The following CELF4 variants were observed in gnomAD, a reference collection of about 807,000 sequenced individuals.
The protein encoded by CELF4 is CUG-BP- and ETR-3-like factor 4.
CELF4 carries 18 observed loss-of-function variants against 59.9 expected under a neutral mutation model. The ratio of observed to expected loss-of-function variants is 0.30; its 90% CI spans 0.21 to 0.45. The LOEUF (loss-of-function observed/expected upper bound fraction) is 0.45, where lower values mean the gene tolerates loss of function less well. Among genes scored for constraint, CELF4 ranks in the 20% least tolerant of loss-of-function variants. The pLI is 1.00. For synonymous variants in CELF4, 261 were observed against 267.1 expected (o/e 0.98, Z 0.22); for missense variants, 456 against 689.0 (o/e 0.66, Z 3.79).
At position 37,426,684 on chromosome 18, in the gene CELF4, G is replaced by T. The variant is rs139928829; in HGVS notation, c.369+58841C>A. 4.9e-3 allele frequency among the ~76,000 whole-genome samples: 749 copies of T among 152,282 alleles called. 6 individuals are homozygous for T. The highest frequency in any genetic ancestry group is 0.017 in the African/African-American group (726 of 41,560). On this transcript the variant is annotated intron_variant, in intron 2 of 12. Transcript: ENST00000420428. The stretch of plus-strand genomic sequence containing the variant: ...AGGGTGCGGTGCGGGAGGGCTGGGG[G>T]CGGGGCAGCCTGCCCAGGCGGCCCT...
intron 1 of CELF4, among the ~76,000 whole-genome samples, chr18:37,513,655 T>TA (rs2099947083): frequency 6.6e-6 from 1 of 152,192 alleles, no homozygotes; most frequent in African/African-American, 2.4e-5. Flanking sequence ...AACATCTTCT[T>TA]ACTGTTCCTG....
At chr18:37,249,616 C>T (rs760263892) in intron 12 of CELF4, among the ~76,000 whole-genome samples, 6 of 152,162 alleles carry the variant, frequency 3.9e-5, no homozygotes, top group Admixed American at 6.5e-5. Context: ...CAAGACTCCA[C>T]GGGCTCAGCT....
intron 2 of CELF4, among the ~76,000 whole-genome samples, chr18:37,431,468 T>C (rs915840296): frequency 4.8e-4 from 71 of 146,570 alleles, no homozygotes; most frequent in African/African-American, 1.5e-3. Context: ...CCCAGGTTCA[T>C]GCCATTCTCC....
chr18:37,284,142 T>C (rs2094499892), intron 3 of CELF4, among the ~76,000 whole-genome samples: 1 of 144,834 alleles, frequency 6.9e-6, no homozygotes, highest in African/African-American at 2.6e-5. Context: ...CAGATACACA[T>C]ACACACACAG....
chr18:37,286,432 TG>T (rs1278025447), intron 3 of CELF4, among the ~76,000 whole-genome samples: 2 of 152,154 alleles, frequency 1.3e-5, no homozygotes, highest in African/African-American at 4.8e-5. Flanking sequence ...TCCTCCCAGC[TG>T]TGACCCAAAT....
intron 2 of CELF4, among the ~76,000 whole-genome samples, chr18:37,395,482 G>A (rs539193835): frequency 1.1e-4 from 17 of 152,316 alleles, no homozygotes; most frequent in African/African-American, 3.1e-4. Flanking sequence ...GGAGATTTAG[G>A]GGAAGGGAAC....
chr18:37,413,538 G>T (rs763953619), intron 2 of CELF4, among the ~76,000 whole-genome samples: 4 of 152,190 alleles, frequency 2.6e-5, no homozygotes, highest in Admixed American at 1.3e-4. Context: ...CTCCACTCCT[G>T]TGACATGTAT....
chr18:37,443,833 T>C (rs1237982842), intron 2 of CELF4, among the ~76,000 whole-genome samples: 1 of 152,186 alleles, frequency 6.6e-6, no homozygotes, highest in African/African-American at 2.4e-5. Flanking sequence ...ATTCGCCAGA[T>C]ATTTACTGCT....
intron 1 of CELF4, among the ~76,000 whole-genome samples, chr18:37,543,874 G>GCAGGGAGGCTGAAGCTC (rs531745715): frequency 3.5e-4 from 53 of 152,344 alleles, no homozygotes; most frequent in African/African-American, 1.3e-3. Context: ...GTGCCGCTGG[G>GCAGGGAGGCTGAAGCTC]CAGGGAGGCT....
At chr18:37,393,872 T>A (rs561171521) in intron 2 of CELF4, among the ~76,000 whole-genome samples, 233 of 148,310 alleles carry the variant, frequency 1.6e-3, no homozygotes, top group African/African-American at 5.4e-3. Flanking sequence ...TTTTTTTTTT[T>A]AATTTTAAGC....
intron 2 of CELF4, among the ~76,000 whole-genome samples, chr18:37,436,851 C>T (rs1027320963): frequency 2.6e-5 from 4 of 152,206 alleles, no homozygotes; most frequent in Non-Finnish European, 5.9e-5. Flanking sequence ...CTTGTCTATT[C>T]CCAGCACAAT....
chr18:37,391,072 T>C (rs564194232), intron 2 of CELF4, among the ~76,000 whole-genome samples: 1 of 152,164 alleles, frequency 6.6e-6, no homozygotes, highest in East Asian at 1.9e-4. Flanking sequence ...TTGGCCGGCC[T>C]GAGGTGCCAC....
chr18:37,331,525 G>A (rs2097542447), intron 2 of CELF4, among the ~76,000 whole-genome samples: 1 of 152,146 alleles, frequency 6.6e-6, no homozygotes, highest in African/African-American at 2.4e-5. Flanking sequence ...TGCTGGCTTT[G>A]AGTCAGGGTG....
Position 37,463,971 on chromosome 18 carries a change from A to G in CELF4, c.369+21554T>C, listed in dbSNP as rs115858998. On this transcript the variant is annotated intron_variant, in intron 2 of 12. Transcript: ENST00000420428. ...CCCTCCTGTCCCCTCTCCCTCATGAAGTATACCACACCTGCCACCCGCAGA... is the reference window on the plus strand; with the variant it reads ...CCCTCCTGTCCCCTCTCCCTCATGAGGTATACCACACCTGCCACCCGCAGA... Among the ~76,000 whole-genome samples the G allele has an allele frequency of 4.1e-3, 618 of 152,036 alleles. 5 individuals are homozygous for G. The highest frequency in any genetic ancestry group is 0.014 in the African/African-American group (594 of 41,460).
chr18:37,317,411 T>C (rs2096905916), intron 3 of CELF4, among the ~76,000 whole-genome samples: 1 of 152,140 alleles, frequency 6.6e-6, no homozygotes, highest in African/African-American at 2.4e-5. Flanking sequence ...AACAAAACCA[T>C]ATTTCCATAA....
rs968675481 is a variant in CELF4, at chr18:37,454,863, G to A, written c.369+30662C>T. Among the ~76,000 whole-genome samples the A allele has an allele frequency of 1.2e-4, 19 of 152,114 alleles. 1 individual carries two copies. The highest frequency in any genetic ancestry group is 4.6e-4 in the African/African-American group (19 of 41,406). On this transcript the variant is annotated intron_variant, in intron 2 of 12. Transcript: ENST00000420428. Reference sequence around the variant, plus strand: ...CAGGAACCAGCCCTGGATGTGCTACGGCCCCTAATGAGGAGAGCAGCCATC... The same window carrying A: ...CAGGAACCAGCCCTGGATGTGCTACAGCCCCTAATGAGGAGAGCAGCCATC...
intron 2 of CELF4, among the ~76,000 whole-genome samples, chr18:37,406,561 GACA>G (rs2099390706): frequency 6.6e-6 from 1 of 152,192 alleles, no homozygotes; most frequent in South Asian, 2.1e-4. Context: ...TCTACAGATA[GACA>G]ACTTGGAGGG....
chr18:37,404,695 A>T (rs1239981750), intron 2 of CELF4, among the ~76,000 whole-genome samples: 1 of 152,186 alleles, frequency 6.6e-6, no homozygotes, highest in Non-Finnish European at 1.5e-5. Flanking sequence ...CACCCCAAGA[A>T]AGCAGAGAGC....
intron 2 of CELF4, among the ~76,000 whole-genome samples, chr18:37,405,581 A>G (rs545754063): frequency 3.9e-5 from 6 of 152,212 alleles, no homozygotes; most frequent in Non-Finnish European, 8.8e-5. Flanking sequence ...TGTGTTCCAA[A>G]ATGCAGGGGA....
Sources: gnomAD v4.1 joint callset for allele counts (sites outside exome capture counted in the v4.1 genomes callset) on GRCh38, gnomAD v4.1.1 for gene constraint, MANE v1.5 for transcripts, NCBI Gene and HGNC (gene_info 2026-07-23, HGNC 2026-07-21) for gene names.